The following CCDC178 variants were observed in gnomAD, a reference collection of about 807,000 sequenced individuals.
CCDC178 encodes the protein coiled-coil domain-containing protein 178.
A neutral mutation model predicts 117.4 loss-of-function variants in CCDC178; 126 were observed. The ratio of observed to expected loss-of-function variants is 1.07; its 90% CI spans 0.93 to 1.24. The LOEUF (loss-of-function observed/expected upper bound fraction) is 1.24. Ranked by LOEUF, CCDC178 falls within the 50% of genes most tolerant of loss-of-function variation. The pLI, the probability that CCDC178 is intolerant of heterozygous loss-of-function variation, is 0.00. For synonymous variants in CCDC178, 283 were observed against 313.4 expected, an observed-to-expected ratio of 0.90 and a Z score of 1.02; for missense variants, 1,030 against 986.9, an observed-to-expected ratio of 1.04 and a Z score of -0.59.
chr18:33,219,316 A>C (rs1168206254), intron 18 of CCDC178, among the ~76,000 whole-genome samples: 1 of 152,122 alleles, frequency 6.6e-6, no homozygotes, highest in Non-Finnish European at 1.5e-5. Context: ...GAACACTTTT[A>C]CACTGTTGGT....
chr18:32,976,750 G>A (rs1180440799), intron 21 of CCDC178, among the ~76,000 whole-genome samples: 2 of 152,026 alleles, frequency 1.3e-5, no homozygotes, highest in Non-Finnish European at 2.9e-5. Flanking sequence ...AAAATGAAAT[G>A]AGTGTGAAGG....
Position 33,283,085 on chromosome 18 carries a change from T to C in CCDC178, c.1176+10074A>G, listed in dbSNP as rs1242672973. The stretch of plus-strand genomic sequence containing the variant: ...TAGCAGGGAGGCAGACACCCCTGCA[T>C]CCACTAGCACTCTGCTGCAGCTGCT... On this transcript the variant is annotated intron_variant, in intron 12 of 22. Coordinates refer to ENST00000383096, the MANE Select transcript of CCDC178 (RefSeq NM_001105528.4). Among the ~76,000 whole-genome samples, 3 of 152,066 alleles carry C rather than the reference T, an allele frequency of 2.0e-5. No homozygotes were observed. In the East Asian group the frequency reaches 5.8e-4, roughly 29 times the overall value.
rs916675608 is a variant in CCDC178, at chr18:33,267,000, A to G, written c.1325T>C (p.Ile442Thr). Reference protein sequence around the residue: ...LSDVAKDFSAISLACTKLTED... With the variant: ...LSDVAKDFSATSLACTKLTED... ...CGTCAGTTTTGTACATGCCAAAGAA[A>G]TAGCTGAAAAATCTTTTGCAACATC... Residue 442 changes from isoleucine to threonine, a missense_variant, in exon 14 of 23, where the codon ATT becomes ACT. Coordinates refer to ENST00000383096, the MANE Select transcript of CCDC178 (RefSeq NM_001105528.4). 6.9e-6 allele frequency: 11 copies of G among 1,601,480 alleles called. No individual in the cohort carries two copies. Among genetic ancestry groups the G allele is most frequent in the Non-Finnish European group, 9.4e-6 (11 of 1,176,468 alleles).
intron 21 of CCDC178, among the ~76,000 whole-genome samples, chr18:33,038,166 A>G (rs1156529266): frequency 6.6e-6 from 1 of 151,958 alleles, no homozygotes; most frequent in African/African-American, 2.4e-5. Flanking sequence ...TGTTTCTAAA[A>G]GTTTGAATTT....
intron 20 of CCDC178, among the ~76,000 whole-genome samples, chr18:33,211,018 C>T (rs1396446453): frequency 6.6e-6 from 1 of 151,782 alleles, no homozygotes; most frequent in East Asian, 1.9e-4. Flanking sequence ...AAAGTTCTCA[C>T]ACGTCTTTAG....
In CCDC178 at chr18:33,245,260, C is replaced by T; in HGVS notation, c.1578G>A (p.Val526=). Residue 526 remains valine (V), a synonymous_variant, in exon 15 of 23, where the codon GTG becomes GTA. Coordinates refer to ENST00000383096, the MANE Select transcript of CCDC178 (RefSeq NM_001105528.4). ...TDEMEDKIAE[V]RRKFKGREEF... is the part of the protein sequence containing the mutation. The stretch of plus-strand genomic sequence containing the variant: ...GATACACAACCTTGAACTTTCTTCT[C>T]ACTTCTGCTATTTTATCTTCCATTT... 1 of 1,584,980 alleles carries T rather than the reference C, an allele frequency of 6.3e-7. No homozygotes were observed. The highest frequency in any genetic ancestry group is 8.6e-7 in the Non-Finnish European group (1 of 1,168,936).
chr18:32,957,772 G>A (rs534699198), intron 22 of CCDC178: 1 of 152,520 alleles, frequency 6.6e-6, no homozygotes, highest in African/African-American at 2.4e-5. Context: ...TTCTCTGCAG[G>A]TGGCTATGCC....
At chr18:32,978,414 C>T (rs747866054) in intron 21 of CCDC178, among the ~76,000 whole-genome samples, 3 of 151,460 alleles carry the variant, frequency 2.0e-5, no homozygotes, top group Non-Finnish European at 4.4e-5. Flanking sequence ...TAAGATGCTG[C>T]AAAGAATGAT....
chr18:33,212,112 G>A, intron 19 of CCDC178, 57 bp from the exon 20 acceptor site: 1 of 1,313,080 alleles, frequency 7.6e-7, no homozygotes, highest in Non-Finnish European at 1.0e-6. Flanking sequence ...TTTTCAAAAT[G>A]CATTTATGAG....
intron 11 of CCDC178, among the ~76,000 whole-genome samples, chr18:33,317,913 A>T (rs1231115415): frequency 1.3e-5 from 2 of 152,156 alleles, no homozygotes. Flanking sequence ...AAAGGACCTC[A>T]GGCCTCATTA....
intron 2 of CCDC178, among the ~76,000 whole-genome samples, chr18:33,432,388 T>C (rs2064231850): frequency 6.6e-6 from 1 of 152,032 alleles, no homozygotes; most frequent in African/African-American, 2.4e-5. Flanking sequence ...TAGCAGAGTT[T>C]TTCTAAGCGA....
chr18:33,416,708 C>T (rs931050813), intron 2 of CCDC178, among the ~76,000 whole-genome samples: 3 of 152,060 alleles, frequency 2.0e-5, no homozygotes, highest in Non-Finnish European at 4.4e-5. Context: ...TTTATTCTTC[C>T]CCACTGGGTA....
chr18:33,190,897 C>T (rs929122471), intron 20 of CCDC178, among the ~76,000 whole-genome samples: 3 of 152,046 alleles, frequency 2.0e-5, no homozygotes, highest in African/African-American at 7.3e-5. Context: ...ATGAACATCC[C>T]AATAGTGCAG....
chr18:33,057,451 T>A (rs1275401229), intron 21 of CCDC178, among the ~76,000 whole-genome samples: 1 of 152,102 alleles, frequency 6.6e-6, no homozygotes, highest in East Asian at 1.9e-4. Context: ...AAACTGCAGG[T>A]TGCAACTCAT....
At chr18:33,079,728 T>C (rs895699129) in intron 21 of CCDC178, among the ~76,000 whole-genome samples, 2 of 152,166 alleles carry the variant, frequency 1.3e-5, no homozygotes, top group Non-Finnish European at 2.9e-5. Context: ...TACAATGAGA[T>C]ACCATCTCAC....
chr18:33,293,325 A>G lies in CCDC178; in HGVS notation c.1023-13T>C, dbSNP rs1414756043. ...ATATATCTCTCTCCTAGGGATAAAA[A>G]CACAGTTTATTTTATTCACATTAAA... On this transcript the variant is annotated splice_polypyrimidine_tract_variant and intron_variant, in intron 11 of 22. Transcript: ENST00000383096. 1 of 1,444,290 alleles carries G rather than the reference A, an allele frequency of 6.9e-7. No homozygotes were observed. The highest frequency in any genetic ancestry group is 2.0e-5 in the Admixed American group (1 of 51,256). The allele number at this position is 1,444,290 out of a possible 1,614,324, so 89.5% of individuals were successfully genotyped here.
intron 21 of CCDC178, among the ~76,000 whole-genome samples, chr18:33,089,804 A>G (rs145191828): frequency 6.6e-6 from 1 of 152,166 alleles, no homozygotes; most frequent in African/African-American, 2.4e-5. Context: ...ATTAAAAATG[A>G]CATATTTTTA....
chr18:33,227,075 C>G (rs2059311856), intron 15 of CCDC178, among the ~76,000 whole-genome samples: 1 of 151,916 alleles, frequency 6.6e-6, no homozygotes, highest in African/African-American at 2.4e-5. Flanking sequence ...TTCAGTCTTT[C>G]CAGTTTGCAT....
At chr18:33,184,048 G>A (rs1395556501) in intron 20 of CCDC178, among the ~76,000 whole-genome samples, 10 of 151,980 alleles carry the variant, frequency 6.6e-5, no homozygotes, top group African/African-American at 2.2e-4. Context: ...TATAACTAGT[G>A]GAAATAAGTT....
Sources: allele counts gnomAD v4.1 joint callset (sites outside exome capture counted in the v4.1 genomes callset), GRCh38; gene constraint gnomAD v4.1.1; transcripts MANE v1.5; gene names NCBI Gene and HGNC (gene_info 2026-07-23, HGNC 2026-07-21).